Variants in PEX3 observed in about 807,000 individuals in gnomAD.
PEX3 encodes the protein peroxisomal biogenesis factor 3, also known as peroxin-3.
PEX3 carries 30 observed loss-of-function variants against 55.8 expected under a neutral mutation model. That is an observed-to-expected ratio of 0.54 (90% confidence interval 0.40 to 0.73). The LOEUF (loss-of-function observed/expected upper bound fraction) is 0.73. Ranked by LOEUF, PEX3 falls within the 30% of genes least tolerant of loss-of-function variation. The pLI is 0.00. For missense variants in PEX3, 351 were observed against 432.8 expected (o/e 0.81, Z 1.68); for synonymous variants, 135 against 148.4 (o/e 0.91, Z 0.66).
In PEX3 at chr6:143,458,849, T is replaced by A. The variant is rs1779881599; in HGVS notation, c.74-236T>A. Among the ~76,000 whole-genome samples, 1 of 152,208 alleles carries A rather than the reference T, an allele frequency of 6.6e-6. No homozygotes were observed. Among genetic ancestry groups the A allele is most frequent in the Non-Finnish European group, 1.5e-5 (1 of 68,030 alleles). The stretch of plus-strand genomic sequence containing the variant: ...CACTGCCAGACTTTTTAGATTTAAT[T>A]CCTTTCCCTTCCTCAAACCTGGTCC... On this transcript the variant is annotated intron_variant, in intron 1 of 11. Coordinates refer to ENST00000367591, the MANE Select transcript of PEX3 (RefSeq NM_003630.3). The surrounding 1 kb of genome is among the most constrained non-coding windows in gnomAD (Gnocchi z 6.1).
chr6:143,468,061 CAG>C (rs1780015078), intron 3 of PEX3, 59 bp from the exon 4 acceptor site: 2 of 888,612 alleles, frequency 2.3e-6, no homozygotes, highest in South Asian at 1.6e-5. Context: ...CTATAAAATT[CAG>C]AGTTTTCTAT....
chr6:143,473,059 T>C (rs552413470), intron 8 of PEX3, among the ~76,000 whole-genome samples: 7 of 152,320 alleles, frequency 4.6e-5, no homozygotes, highest in Admixed American at 3.9e-4. Context: ...TTCTTTGTAA[T>C]TGGGAGAACA....
rs903485626 is a variant in PEX3 at position 143,489,431 on chromosome 6, C to CAT, written c.*215_*216dup. ...TCATCAACAGACCAGTTTTTGTGGG[C>CAT]ATATATATATACACGTGCAAATATC... On this transcript the variant is annotated 3_prime_UTR_variant, in exon 12 of 12. Transcript: ENST00000367591. This position sits in a 1 kb window ranked among gnomAD's most constrained non-coding sequence, Gnocchi z 5.5. 69 of 463,328 alleles carry CAT rather than the reference C, an allele frequency of 1.5e-4. No individual in the cohort carries two copies. Among genetic ancestry groups the CAT allele is most frequent in the African/African-American group, 6.5e-4 (33 of 50,402 alleles). 28.7% of individuals were successfully genotyped at this position (463,328 alleles called of 1,614,324 possible).
chr6:143,462,758 T>TATA lies in PEX3; in HGVS notation c.206-143_206-141dup, dbSNP rs1020482078. Among the ~76,000 whole-genome samples, 8 of 152,258 alleles carry TATA rather than the reference T, an allele frequency of 5.3e-5. No individual in the cohort carries two copies. Among genetic ancestry groups the TATA allele is most frequent in the Non-Finnish European group, 4.4e-5 (3 of 68,022 alleles). ...ATGATTTGTTAGGATATAATCGTTT[T>TATA]ATAATAATAATAATAATTTGAATCG... On this transcript the variant is annotated intron_variant, in intron 2 of 11. Transcript: ENST00000367591. This position sits in a 1 kb window ranked among gnomAD's most constrained non-coding sequence, Gnocchi z 4.1.
Position 143,475,469 on chromosome 6 carries a change from T to C in PEX3, c.818+613T>C, listed in dbSNP as rs1780139309. 6.6e-6 allele frequency among the ~76,000 whole-genome samples: 1 copy of C among 152,016 alleles called. No homozygotes were observed. The highest frequency in any genetic ancestry group is 1.5e-5 in the Non-Finnish European group (1 of 67,994). On this transcript the variant is annotated intron_variant, in intron 9 of 11. Transcript: ENST00000367591. The surrounding 1 kb of genome is among the most constrained non-coding windows in gnomAD (Gnocchi z 4.4). ...GAGTTCAAGACCAGCCTGGGTAACATGGCAAAAACCCCATCTTAAACAAAA... is the reference window on the plus strand; with the variant it reads ...GAGTTCAAGACCAGCCTGGGTAACACGGCAAAAACCCCATCTTAAACAAAA...
chr6:143,482,536 G>T lies in PEX3; in HGVS notation c.942-2616G>T, dbSNP rs1043601704. Among the ~76,000 whole-genome samples the T allele has an allele frequency of 1.3e-5, 2 of 151,630 alleles. No individual in the cohort carries two copies. The highest frequency in any genetic ancestry group is 2.9e-5 in the Non-Finnish European group (2 of 67,862). On this transcript the variant is annotated intron_variant, in intron 10 of 11. Transcript: ENST00000367591. The surrounding 1 kb of genome is among the most constrained non-coding windows in gnomAD (Gnocchi z 5.5). ...CTTAAACCTGACAAATGATAATAAAGGTAATATGGAGGAATAATGGAATGA... is the reference window on the plus strand; with the variant it reads ...CTTAAACCTGACAAATGATAATAAATGTAATATGGAGGAATAATGGAATGA...
chr6:143,478,924 A>T (rs1057001768), intron 9 of PEX3, 152 bp from the exon 10 acceptor site: 11 of 546,700 alleles, frequency 2.0e-5, no homozygotes, highest in Non-Finnish European at 3.3e-5. Flanking sequence ...ATTTTTAAAT[A>T]CTTTTTAAAG....
intron 1 of PEX3, among the ~76,000 whole-genome samples, chr6:143,455,197 T>A (rs1206296606): frequency 2.6e-5 from 4 of 150,994 alleles, no homozygotes; most frequent in Non-Finnish European, 5.9e-5. Flanking sequence ...TTTTCTTTTC[T>A]TTTCTTTTCT....
Position 143,453,910 on chromosome 6 carries a change from T to C in PEX3, c.73+2795T>C, listed in dbSNP as rs970265308. On this transcript the variant is annotated intron_variant, in intron 1 of 11. Coordinates refer to ENST00000367591, the MANE Select transcript of PEX3 (RefSeq NM_003630.3). The surrounding 1 kb of genome is among the most constrained non-coding windows in gnomAD (Gnocchi z 4.6). Reference sequence around the variant, plus strand: ...ACCAGTTTGTGAAAAGACTAGAGAATTGACTCCCAAACTTTTTGATCTAAG... The same window carrying C: ...ACCAGTTTGTGAAAAGACTAGAGAACTGACTCCCAAACTTTTTGATCTAAG... Among the ~76,000 whole-genome samples, 8 of 152,128 alleles carry C rather than the reference T, an allele frequency of 5.3e-5. No homozygotes were observed. Among genetic ancestry groups the C allele is most frequent in the African/African-American group, 1.9e-4 (8 of 41,434 alleles).
chr6:143,456,880 G>GA (rs1249561849), intron 1 of PEX3, among the ~76,000 whole-genome samples: 2 of 152,052 alleles, frequency 1.3e-5, no homozygotes, highest in Non-Finnish European at 2.9e-5. Flanking sequence ...TCACGTTCAG[G>GA]AAAATTTCGC....
At chr6:143,481,435 A>G (rs1780240428) in intron 10 of PEX3, among the ~76,000 whole-genome samples, 2 of 151,912 alleles carry the variant, frequency 1.3e-5, no homozygotes, top group South Asian at 4.1e-4. Context: ...AGACACAGAA[A>G]AATTAAATAA....
chr6:143,468,051 C>A, intron 3 of PEX3, 71 bp from the exon 4 acceptor site: 1 of 824,644 alleles, frequency 1.2e-6, no homozygotes, highest in Non-Finnish European at 2.0e-6. Flanking sequence ...AAAAATAGAT[C>A]TATAAAATTC....
At chr6:143,481,389 G>T (rs12528069) in intron 10 of PEX3, among the ~76,000 whole-genome samples, 6,462 of 151,824 alleles carry the variant, frequency 0.043, 196 homozygotes, top group Middle Eastern at 0.072. Flanking sequence ...TAGGAAATAC[G>T]TACTAGTATT....
intron 8 of PEX3, among the ~76,000 whole-genome samples, chr6:143,473,059 T>A (rs552413470): frequency 2.0e-5 from 3 of 152,202 alleles, no homozygotes; most frequent in African/African-American, 7.2e-5. Context: ...TTCTTTGTAA[T>A]TGGGAGAACA....
chr6:143,462,553 C>A lies in PEX3; in HGVS notation c.206-363C>A, dbSNP rs1404965964. On this transcript the variant is annotated intron_variant, in intron 2 of 11. Transcript: ENST00000367591. This position sits in a 1 kb window ranked among gnomAD's most constrained non-coding sequence, Gnocchi z 4.1. The stretch of plus-strand genomic sequence containing the variant: ...ATTGTCATTAAATCAGAAGTAAACA[C>A]TTTTGTAAAAAATTTGGAGAGTATG... Among the ~76,000 whole-genome samples the A allele has an allele frequency of 6.6e-6, 1 of 151,996 alleles. No homozygotes were observed. The highest frequency in any genetic ancestry group is 2.4e-5 in the African/African-American group (1 of 41,362).
chr6:143,472,007 TGGC>T (rs1562654886), intron 7 of PEX3, among the ~76,000 whole-genome samples, 150 bp from the exon 8 acceptor site: 1 of 152,178 alleles, frequency 6.6e-6, no homozygotes, highest in East Asian at 1.9e-4. Context: ...CCTTAACTAG[TGGC>T]TGATTTCGTA....
chr6:143,457,475 T>C lies in PEX3; in HGVS notation c.74-1610T>C, dbSNP rs536775364. The stretch of plus-strand genomic sequence containing the variant: ...CTACTATTTTTAAGAATATGTAATA[T>C]CTTATCAGTTCACCTATAGCACCTG... On this transcript the variant is annotated intron_variant, in intron 1 of 11. Transcript: ENST00000367591. Among the ~76,000 whole-genome samples the C allele has an allele frequency of 1.2e-4, 18 of 152,322 alleles. No individual in the cohort carries two copies. In the Middle Eastern group the frequency reaches 0.01, roughly 86 times the overall value.
rs1780351516 is a variant in PEX3 at position 143,488,885 on chromosome 6, C to A, written c.1039-258C>A. On this transcript the variant is annotated intron_variant, in intron 11 of 11. Transcript: ENST00000367591. This position sits in a 1 kb window ranked among gnomAD's most constrained non-coding sequence, Gnocchi z 4.9. ...CTAGCACTTGACATACACCAAAATT[C>A]ATTTGAAGACTATTTGGGGTTTTTG... Among the ~76,000 whole-genome samples the A allele has an allele frequency of 6.6e-6, 1 of 152,070 alleles. No individual in the cohort carries two copies. The highest frequency in any genetic ancestry group is 6.5e-5 in the Admixed American group (1 of 15,272).
chr6:143,461,650 G>C (rs1779922096), intron 2 of PEX3, among the ~76,000 whole-genome samples: 1 of 151,926 alleles, frequency 6.6e-6, no homozygotes, highest in African/African-American at 2.4e-5. Context: ...TTCCCTTTTA[G>C]AATGTGGTGT....
Sources: allele counts gnomAD v4.1 joint callset (sites outside exome capture counted in the v4.1 genomes callset), GRCh38; gene constraint gnomAD v4.1.1; non-coding constraint Gnocchi (gnomAD v3.1); transcripts MANE v1.5; gene names NCBI Gene and HGNC (gene_info 2026-07-23, HGNC 2026-07-21).